NPHP4: variants seen among roughly 807,000 people sequenced by gnomAD.
The protein encoded by NPHP4 is nephrocystin 4.
NPHP4 carries 151 observed loss-of-function variants against 155.8 expected under a neutral mutation model. The ratio of observed to expected loss-of-function variants is 0.97; its 90% CI spans 0.85 to 1.11. The LOEUF is 1.11. NPHP4 is among the 50% of genes least tolerant of loss of function. The pLI is 0.00. For synonymous variants in NPHP4, 845 were observed against 816.8 expected (o/e 1.03, Z -0.59); for missense variants, 1,956 against 1,925.7 (o/e 1.02, Z -0.29).
At chr1:5,927,580 T>G (rs1230196178) in intron 11 of NPHP4, 69 bp downstream of exon 11, 1 of 1,506,832 alleles carries the variant, frequency 6.6e-7, no homozygotes, top group East Asian at 2.3e-5. Context: ...ACTAAGTACC[T>G]TTCCCCGGGA....
chr1:5,908,319 A>C (rs1371109801), intron 12 of NPHP4, among the ~76,000 whole-genome samples: 1 of 152,184 alleles, frequency 6.6e-6, no homozygotes, highest in Non-Finnish European at 1.5e-5. Context: ...CTTTAGGTGA[A>C]TCCAGTATTC....
At chr1:5,883,731 T>C (rs1162364557) in intron 18 of NPHP4, among the ~76,000 whole-genome samples, 1 of 152,330 alleles carries the variant, frequency 6.6e-6, no homozygotes, top group East Asian at 1.9e-4. Flanking sequence ...CTTCATCTGA[T>C]AGCGAATGGT....
intron 27 of NPHP4, chr1:5,864,837 A>C: frequency 1.8e-6 from 1 of 547,162 alleles, no homozygotes; most frequent in Non-Finnish European, 3.3e-6. Context: ...CTGTGGCTTC[A>C]CTAACACCAG....
chr1:5,865,102 C>G lies in NPHP4; in HGVS notation c.3816G>C (p.Lys1272Asn). 1.2e-6 allele frequency: 2 copies of G among 1,613,474 alleles called. No homozygotes were observed. The highest frequency in any genetic ancestry group is 1.7e-6 in the Non-Finnish European group (2 of 1,179,666). The change falls in exon 27 of 30, where the codon AAG (lysine) becomes AAC (asparagine). Residue 1272 changes from lysine (K) to asparagine (N), a missense_variant and splice_region_variant. By Grantham distance (94) the Lys-to-Asn change is moderately conservative. Transcript: ENST00000378156. ...AGAACAGCCCCCAGAGAGGCCGTACCTTCAGCTCCTGGGGATGAGAGGTGA... is the reference window on the plus strand; with the variant it reads ...AGAACAGCCCCCAGAGAGGCCGTACGTTCAGCTCCTGGGGATGAGAGGTGA... ...RAFTSHPQELKTDPKGVFVLP... is the reference protein window; with the variant it reads ...RAFTSHPQELNTDPKGVFVLP...
chr1:5,897,593 G>A (rs1052709886), intron 16 of NPHP4, among the ~76,000 whole-genome samples: 1 of 152,164 alleles, frequency 6.6e-6, no homozygotes, highest in African/African-American at 2.4e-5. Flanking sequence ...AGGTAAGCCC[G>A]GAACACGGGA....
At chr1:5,907,725 G>A (rs1395880958) in intron 12 of NPHP4, among the ~76,000 whole-genome samples, 1 of 152,178 alleles carries the variant, frequency 6.6e-6, no homozygotes, top group African/African-American at 2.4e-5. Context: ...CCGCACCAAT[G>A]TGGCATTACT....
intron 16 of NPHP4, among the ~76,000 whole-genome samples, chr1:5,897,743 T>C (rs533520500): frequency 6.6e-6 from 1 of 152,018 alleles, no homozygotes; most frequent in South Asian, 2.1e-4. Context: ...AAAATACACA[T>C]GGGGGACAAA....
chr1:5,888,274 G>C, intron 17 of NPHP4: 5 of 916,684 alleles, frequency 5.5e-6, no homozygotes, highest in Non-Finnish European at 6.5e-6. Flanking sequence ...GAGGCATGTG[G>C]GGGATGACAA....
chr1:5,960,693 A>G (rs1035824703), intron 6 of NPHP4, among the ~76,000 whole-genome samples: 15 of 152,056 alleles, frequency 9.9e-5, no homozygotes, highest in Admixed American at 9.8e-4. Flanking sequence ...AAGCCACACA[A>G]AAGTCTCCAG....
intron 10 of NPHP4, among the ~76,000 whole-genome samples, chr1:5,931,188 G>C (rs1206981916): frequency 1.3e-5 from 2 of 151,700 alleles, no homozygotes; most frequent in African/African-American, 2.4e-5. Flanking sequence ...ATATAGTTGG[G>C]CTTTGTCTTT....
intron 23 of NPHP4, among the ~76,000 whole-genome samples, chr1:5,868,661 G>C (rs10864501): frequency 0.15 from 21,354 of 142,766 alleles, 1,645 homozygotes; most frequent in Middle Eastern, 0.19. Context: ...CACGCATCCA[G>C]CCACAAATGC....
chr1:5,991,294 G>C (rs901862124), intron 1 of NPHP4, among the ~76,000 whole-genome samples: 27 of 152,152 alleles, frequency 1.8e-4, no homozygotes, highest in African/African-American at 6.5e-4. Flanking sequence ...AGAATGTAAA[G>C]AAACGGGGCA....
At chr1:5,966,851 T>C (rs1426651370) in intron 5 of NPHP4, among the ~76,000 whole-genome samples, 1 of 152,180 alleles carries the variant, frequency 6.6e-6, no homozygotes, top group African/African-American at 2.4e-5. Flanking sequence ...TCTGGCTGCC[T>C]GGGAACGGCT....
chr1:5,968,224 T>C (rs965248339), intron 4 of NPHP4, among the ~76,000 whole-genome samples: 1 of 152,046 alleles, frequency 6.6e-6, no homozygotes, highest in East Asian at 1.9e-4. Context: ...CTTTGGCCCA[T>C]ATCCATACTA....
rs372430727 is a variant in NPHP4, at chr1:5,905,324, G to A, written c.1923C>T (p.Asn641=). Residue 641 remains asparagine (N), a synonymous_variant, in exon 15 of 30, where the codon AAC becomes AAT. Coordinates refer to ENST00000378156, the MANE Select transcript of NPHP4 (RefSeq NM_015102.5). The surrounding 1 kb of genome is among the most constrained non-coding windows in gnomAD (Gnocchi z 4.0). ...QKEESDCLQS[N]EMVLQFLAFS... ...AGGCAAGAAACTGTAGCACCATCTC[G>A]TTGCTTTGTAGACAATCTGATTCTT... is the stretch of plus-strand genomic sequence containing the variant. The A allele has an allele frequency of 1.5e-4, 247 of 1,613,750 alleles. No individual in the cohort carries two copies. The highest frequency in any genetic ancestry group is 8.0e-4 in the East Asian group (36 of 44,884).
Position 5,969,170 on chromosome 1 carries a change from G to T in NPHP4, c.369C>A (p.Leu123=). Residue 123 remains leucine (L), a synonymous_variant, in exon 4 of 30, where the codon CTC becomes CTA. Transcript: ENST00000378156. Reference sequence around the variant, plus strand: ...TTCCAAACCCACAGGACAATGTCTGGAGGCTCCCATCCCGTTTCTTGCCCT... The same window carrying T: ...TTCCAAACCCACAGGACAATGTCTGTAGGCTCCCATCCCGTTTCTTGCCCT... The part of the protein sequence containing the change: ...VAEGKKRDGS[L]QTLSCGFGIL... The T allele has an allele frequency of 6.4e-7, 1 of 1,563,654 alleles. No individual in the cohort carries two copies. The highest frequency in any genetic ancestry group is 2.4e-5 in the East Asian group (1 of 42,004).
intron 9 of NPHP4, among the ~76,000 whole-genome samples, chr1:5,934,719 G>A (rs916158783): frequency 3.3e-5 from 5 of 152,198 alleles, no homozygotes; most frequent in African/African-American, 7.2e-5. Flanking sequence ...TGGTCACAGC[G>A]AGGAGGTGGC....
At chr1:5,888,702 C>T in intron 17 of NPHP4, 1 of 996,848 alleles carries the variant, frequency 1.0e-6, no homozygotes, top group South Asian at 1.4e-5. Context: ...ATTTTCCTCC[C>T]AAATCATTAT....
chr1:5,975,801 G>A (rs751335793), intron 3 of NPHP4, among the ~76,000 whole-genome samples: 1 of 152,230 alleles, frequency 6.6e-6, no homozygotes, highest in Non-Finnish European at 1.5e-5. Flanking sequence ...CCCTCGGAGT[G>A]CATGAACATA....
Sources: allele counts gnomAD v4.1 joint callset (sites outside exome capture counted in the v4.1 genomes callset), GRCh38; gene constraint gnomAD v4.1.1; non-coding constraint Gnocchi (gnomAD v3.1); transcripts MANE v1.5; gene names NCBI Gene and HGNC (gene_info 2026-07-23, HGNC 2026-07-21).